The following SH3BP5 variants were observed in gnomAD, a reference collection of about 807,000 sequenced individuals.
SH3BP5 encodes SH3 domain-binding protein 5.
In SH3BP5, 22 loss-of-function variants were observed where a neutral mutation model predicts 43.3. That is an observed-to-expected ratio of 0.51 (90% CI 0.36 to 0.73). The LOEUF is 0.73. SH3BP5 is among the 30% of genes least tolerant of loss of function. The probability of loss-of-function intolerance (pLI) is 0.00; values close to 1 mark genes in which losing one functional copy is unlikely to be tolerated. For missense variants in SH3BP5, 529 were observed against 586.9 expected, an observed-to-expected ratio of 0.90 and a Z score of 1.02; for synonymous variants, 255 against 225.8, an observed-to-expected ratio of 1.13 and a Z score of -1.16.
At chr3:15,298,031 C>T (rs978302242) in intron 3 of SH3BP5, among the ~76,000 whole-genome samples, 2 of 148,844 alleles carry the variant, frequency 1.3e-5, no homozygotes, top group African/African-American at 2.5e-5. Flanking sequence ...GGATGGAATG[C>T]AGTAGCACAA....
rs1679390732 is a variant in SH3BP5, at chr3:15,321,972, AG to A, written c.201+8531del. Among the ~76,000 whole-genome samples the A allele has an allele frequency of 3.9e-5, 6 of 152,312 alleles. No homozygotes were observed. In the South Asian group the frequency reaches 1.2e-3, roughly 32 times the overall value. On this transcript the variant is annotated intron_variant, in intron 2 of 8. Transcript: ENST00000383791. ...ATAATCCCAGTACTTTGGGAGGCCA[AG>A]GCAGGTGGATCATTTGAGGTCGGGA...
chr3:15,283,659 C>CA (rs1697188219), intron 3 of SH3BP5, among the ~76,000 whole-genome samples: 1 of 152,208 alleles, frequency 6.6e-6, no homozygotes, highest in South Asian at 2.1e-4. Context: ...TTAAAGCTCT[C>CA]AGCTCTTTCT....
At position 15,256,063 on chromosome 3, in the gene SH3BP5, C is replaced by T. The variant is rs140402906; in HGVS notation, c.*23G>A. On this transcript the variant is annotated 3_prime_UTR_variant, in exon 9 of 9. Transcript: ENST00000383791. ...TTCCATGTATAAATGTTGATATGCA[C>T]ATCGGCCAGGGCCCAGGATGAATCA... The T allele has an allele frequency of 5.6e-3, 8,857 of 1,571,828 alleles. 47 individuals are homozygous for T. The highest frequency in any genetic ancestry group is 0.03 in the Middle Eastern group (178 of 5,926).
chr3:15,286,125 A>G (rs1697258780), intron 3 of SH3BP5, among the ~76,000 whole-genome samples: 1 of 152,238 alleles, frequency 6.6e-6, no homozygotes, highest in African/African-American at 2.4e-5. Context: ...AGAGCAGGCT[A>G]TCAGAAACAG....
intron 2 of SH3BP5, among the ~76,000 whole-genome samples, chr3:15,322,855 C>T (rs755245082): frequency 2.0e-4 from 29 of 143,120 alleles, no homozygotes; most frequent in Non-Finnish European, 3.4e-4. Context: ...AAAAACAAAG[C>T]GGGAGGCCGG....
intron 4 of SH3BP5, among the ~76,000 whole-genome samples, chr3:15,268,664 G>A (rs1696710524): frequency 1.3e-5 from 2 of 152,178 alleles, no homozygotes; most frequent in African/African-American, 2.4e-5. Flanking sequence ...AAACCCGATA[G>A]AGTTAGGCAG....
At chr3:15,285,564 C>T (rs1380755314) in intron 3 of SH3BP5, among the ~76,000 whole-genome samples, 1 of 152,230 alleles carries the variant, frequency 6.6e-6, no homozygotes, top group Non-Finnish European at 1.5e-5. Flanking sequence ...TGAAAAAATA[C>T]TTTGAAAACT....
chr3:15,330,657 G>T, intron 1 of SH3BP5, 91 bp from the exon 2 acceptor site: 1 of 1,385,524 alleles, frequency 7.2e-7, no homozygotes, highest in Non-Finnish European at 9.5e-7. Flanking sequence ...AATTACCCCA[G>T]CCCAATTTGC....
At chr3:15,276,449 A>AC (rs1696971010) in intron 3 of SH3BP5, among the ~76,000 whole-genome samples, 1 of 152,016 alleles carries the variant, frequency 6.6e-6, no homozygotes, top group South Asian at 2.1e-4. Flanking sequence ...TGCAGTGTGT[A>AC]CCCCCCGGAG....
intron 2 of SH3BP5, among the ~76,000 whole-genome samples, chr3:15,323,968 A>T (rs183459609): frequency 6.6e-6 from 1 of 152,322 alleles, no homozygotes; most frequent in Admixed American, 6.5e-5. Flanking sequence ...GGACCACTGA[A>T]GCCCAAGGCC....
intron 4 of SH3BP5, among the ~76,000 whole-genome samples, chr3:15,266,327 C>T (rs1198502268): frequency 6.6e-6 from 1 of 152,242 alleles, no homozygotes; most frequent in African/African-American, 2.4e-5. Context: ...CCATCCCAGG[C>T]TCATATCCAC....
chr3:15,269,323 C>T (rs1329486011), intron 4 of SH3BP5, among the ~76,000 whole-genome samples: 1 of 152,134 alleles, frequency 6.6e-6, no homozygotes, highest in Non-Finnish European at 1.5e-5. Flanking sequence ...GTGCAGCCCC[C>T]ATTTAGGGCT....
intron 7 of SH3BP5, chr3:15,258,190 AAAAG>A (rs1696292456): frequency 6.6e-6 from 1 of 152,224 alleles, no homozygotes; most frequent in Non-Finnish European, 1.5e-5. Flanking sequence ...ACAGGTAAGG[AAAAG>A]AAAGGAAGTA....
intron 3 of SH3BP5, among the ~76,000 whole-genome samples, chr3:15,272,546 GAGTGCCTGTAGGATAAAGACATTACAAA>G (rs376900379): frequency 8.2e-5 from 9 of 109,776 alleles, no homozygotes; most frequent in African/African-American, 3.3e-4. Flanking sequence ...TTACAAAACA[GAGTGCCTGTAGGATAAAGACATTACAAA>G]ACAGAGTGCC....
intron 2 of SH3BP5, among the ~76,000 whole-genome samples, chr3:15,327,324 C>T (rs948954856): frequency 3.3e-5 from 5 of 152,002 alleles, no homozygotes; most frequent in Non-Finnish European, 7.4e-5. Flanking sequence ...GGCTTGAACC[C>T]GGGAGGCAGA....
chr3:15,291,808 T>C (rs1042928639), intron 3 of SH3BP5, among the ~76,000 whole-genome samples: 5 of 152,186 alleles, frequency 3.3e-5, no homozygotes, highest in African/African-American at 1.2e-4. Context: ...CCAGAGACCA[T>C]AAATCTCTAA....
rs1696150952 is a variant in SH3BP5 at position 15,255,204 on chromosome 3, C to G, written c.*882G>C. The G allele has an allele frequency of 6.6e-6, 1 of 152,612 alleles. No individual in the cohort carries two copies. The highest frequency in any genetic ancestry group is 2.1e-4 in the South Asian group (1 of 4,828). 9.5% of individuals were successfully genotyped at this position (152,612 alleles called of 1,614,324 possible). A position where few individuals can be genotyped will look rare whatever the true frequency, so the allele number is the denominator to read the frequency against. On this transcript the variant is annotated 3_prime_UTR_variant, in exon 9 of 9. Coordinates refer to ENST00000383791, the MANE Select transcript of SH3BP5 (RefSeq NM_004844.5). ...AAAGAACTGTTTCCTCTAAGGAATA[C>G]TAGTGCAGCATAACCCTTAAATAAT... is the stretch of plus-strand genomic sequence containing the variant.
chr3:15,332,508 C>T lies in SH3BP5; in HGVS notation c.-100G>A. On this transcript the variant is annotated 5_prime_UTR_variant, in exon 1 of 9. The change creates a new upstream start codon in the 5' untranslated region. Coordinates refer to ENST00000383791, the MANE Select transcript of SH3BP5 (RefSeq NM_004844.5). ...GGAGCCGCCTCGCCACAGCCGGGCA[C>T]GGTCGGGGAGCCGCCGGGGCCGACA... The T allele has an allele frequency of 7.7e-7, 1 of 1,295,426 alleles. No homozygotes were observed. Among genetic ancestry groups the T allele is most frequent in the Non-Finnish European group, 9.7e-7 (1 of 1,026,826 alleles). The allele number at this position is 1,295,426 out of a possible 1,614,324, so 80.2% of individuals were successfully genotyped here.
At chr3:15,329,574 A>C (rs930396098) in intron 2 of SH3BP5, among the ~76,000 whole-genome samples, 4 of 152,204 alleles carry the variant, frequency 2.6e-5, no homozygotes, top group Non-Finnish European at 4.4e-5. Flanking sequence ...CACGCAGCAG[A>C]AATCAAGGCT....
Sources: gnomAD v4.1 joint callset for allele counts (sites outside exome capture counted in the v4.1 genomes callset) on GRCh38, gnomAD v4.1.1 for gene constraint, MANE v1.5 for transcripts, NCBI Gene and HGNC (gene_info 2026-07-23, HGNC 2026-07-21) for gene names.